The following RNF216 variants were observed in gnomAD, a reference collection of about 807,000 sequenced individuals.
RNF216 encodes the protein E3 ubiquitin-protein ligase RNF216.
In RNF216, 72 loss-of-function variants were observed where a neutral mutation model predicts 110.8. The ratio of observed to expected loss-of-function variants is 0.65; its 90% confidence interval spans 0.54 to 0.79. RNF216 has a LOEUF of 0.79. RNF216 is among the 30% of genes least tolerant of loss of function. RNF216 has a pLI of 0.00. For synonymous variants in RNF216, 495 were observed against 407.5 expected (o/e 1.21, Z -2.59); for missense variants, 1,342 against 1,141.2 (o/e 1.18, Z -2.54).
intron 15 of RNF216, among the ~76,000 whole-genome samples, chr7:5,636,923 G>A (rs768550427): frequency 1.3e-5 from 2 of 152,164 alleles, no homozygotes; most frequent in African/African-American, 4.8e-5. Flanking sequence ...CCAGGCATGG[G>A]AAGCAACGGG....
At chr7:5,687,158 G>T (rs1163399396) in intron 13 of RNF216, among the ~76,000 whole-genome samples, 1 of 152,196 alleles carries the variant, frequency 6.6e-6, no homozygotes, top group Non-Finnish European at 1.5e-5. Flanking sequence ...CACTCTGGGA[G>T]GTTGAGGTGG....
chr7:5,752,937 G>A lies in RNF216; in HGVS notation c.110C>T (p.Ser37Phe). ...CATTGGAATCCTTTCCTCATCTGAG[G>A]AGTCAGATATGGTGATGGGCCCATC... ...LRDGPITISD[S>F]SDEERIPMLV... is the part of the protein sequence containing the mutation. Residue 37 changes from serine (S) to phenylalanine (F), a missense_variant, in exon 3 of 17, where the codon TCC becomes TTC. Physicochemically the swap from Ser to Phe is radical, Grantham distance 155. Coordinates refer to ENST00000389902, the MANE Select transcript of RNF216 (RefSeq NM_207111.4). 2 of 1,611,584 alleles carry A rather than the reference G, an allele frequency of 1.2e-6. No individual in the cohort carries two copies. Among genetic ancestry groups the A allele is most frequent in the Non-Finnish European group, 8.5e-7 (1 of 1,178,842 alleles).
In RNF216 at chr7:5,622,741, G is replaced by C. The variant is rs1286654690; in HGVS notation, c.*119C>G. ...TAGGAAAGGGGTGGGAAGAAAACCA[G>C]CCTACCCTTCAAGCTGACTTAGGAT... On this transcript the variant is annotated 3_prime_UTR_variant, in exon 17 of 17. Transcript: ENST00000389902. 2.9e-6 allele frequency: 3 copies of C among 1,025,220 alleles called. No homozygotes were observed. In the African/African-American group the frequency reaches 4.8e-5, roughly 16 times the overall value. 63.5% of individuals were successfully genotyped at this position (1,025,220 alleles called of 1,614,324 possible). A position where few individuals can be genotyped will look rare whatever the true frequency, so the allele number is the denominator to read the frequency against.
chr7:5,628,068 CAG>C (rs557410663), intron 15 of RNF216, among the ~76,000 whole-genome samples: 2 of 152,278 alleles, frequency 1.3e-5, no homozygotes, highest in South Asian at 4.1e-4. Flanking sequence ...GCCTGCCATT[CAG>C]AGTTCTTCCT....
intron 13 of RNF216, among the ~76,000 whole-genome samples, chr7:5,699,750 G>A (rs1395927593): frequency 6.6e-6 from 1 of 152,238 alleles, no homozygotes; most frequent in Non-Finnish European, 1.5e-5. Flanking sequence ...CTGGGGCTGG[G>A]TGGTTGATTC....
In RNF216 at chr7:5,763,179, G is replaced by A. The variant is rs925957424; in HGVS notation, c.-69-2041C>T. On this transcript the variant is annotated intron_variant, in intron 1 of 16. Transcript: ENST00000389902. Reference sequence around the variant, plus strand: ...AAGGTGGGTACCAATGAGGGAGTGGGTAGATTAACTGTTAAGTGACATGAG... The same window carrying A: ...AAGGTGGGTACCAATGAGGGAGTGGATAGATTAACTGTTAAGTGACATGAG... Among the ~76,000 whole-genome samples the A allele has an allele frequency of 3.3e-5, 5 of 152,188 alleles. No individual in the cohort carries two copies. The East Asian group carries it at 5.8e-4, about 18-fold the overall frequency.
At chr7:5,722,453 G>A (rs1331085197) in intron 8 of RNF216, among the ~76,000 whole-genome samples, 24 of 150,230 alleles carry the variant, frequency 1.6e-4, no homozygotes, top group Admixed American at 8.6e-4. Context: ...GCAGTGGTGC[G>A]ATCTCGGCTC....
At chr7:5,748,603 TATATACATACAC>T (rs1164384775) in intron 3 of RNF216, among the ~76,000 whole-genome samples, 1 of 113,810 alleles carries the variant, frequency 8.8e-6, no homozygotes, top group Non-Finnish European at 1.8e-5. Context: ...GTATATTTTT[TATATACATACAC>T]ACACACACAC....
intron 1 of RNF216, among the ~76,000 whole-genome samples, chr7:5,778,179 T>G (rs907058747): frequency 6.6e-6 from 1 of 152,226 alleles, no homozygotes; most frequent in Non-Finnish European, 1.5e-5. Flanking sequence ...CTTGCTGACA[T>G]AGCGGGCCTT....
intron 13 of RNF216, among the ~76,000 whole-genome samples, chr7:5,694,527 C>T (rs1791510522): frequency 6.6e-6 from 1 of 152,246 alleles, no homozygotes. Flanking sequence ...TCAGTTCCAA[C>T]ATCTGCTATG....
chr7:5,760,582 C>T (rs1795882575), intron 2 of RNF216: 1 of 282,550 alleles, frequency 3.5e-6, no homozygotes, highest in South Asian at 3.2e-5. Flanking sequence ...AAATTCCCCT[C>T]AAGGCTAAGC....
intron 13 of RNF216, among the ~76,000 whole-genome samples, chr7:5,653,600 CAA>C (rs34530431): frequency 7.5e-3 from 379 of 50,402 alleles, no homozygotes; most frequent in African/African-American, 0.029. Context: ...GACTCTGTCT[CAA>C]AAAAAAAAAA....
chr7:5,649,870 G>A (rs766039655), intron 14 of RNF216: 3 of 152,302 alleles, frequency 2.0e-5, no homozygotes, highest in East Asian at 1.9e-4. Flanking sequence ...GGTATGCTGC[G>A]AATGATTTGG....
At chr7:5,772,758 A>C (rs1305625681) in intron 1 of RNF216, among the ~76,000 whole-genome samples, 4 of 151,780 alleles carry the variant, frequency 2.6e-5, no homozygotes. Flanking sequence ...AGCATTGATA[A>C]CTGAAAAAAG....
rs1446207978 is a variant in RNF216, at chr7:5,622,123, T to C, written c.*737A>G. On this transcript the variant is annotated 3_prime_UTR_variant, in exon 17 of 17. Transcript: ENST00000389902. Reference sequence around the variant, plus strand: ...CTGTCCCAGCTGCCTTAAGAGGCTCTTTCAATGGGCCAGCTTCAGAACCAT... The same window carrying C: ...CTGTCCCAGCTGCCTTAAGAGGCTCCTTCAATGGGCCAGCTTCAGAACCAT... 6.6e-6 allele frequency: 1 copy of C among 152,272 alleles called. No homozygotes were observed. Among genetic ancestry groups the C allele is most frequent in the Admixed American group, 6.5e-5 (1 of 15,284 alleles). The allele number at this position is 152,272 out of a possible 1,614,324, so 9.4% of individuals were successfully genotyped here.
chr7:5,704,305 T>C (rs1792149612), intron 13 of RNF216, among the ~76,000 whole-genome samples: 2 of 152,210 alleles, frequency 1.3e-5, no homozygotes, highest in Non-Finnish European at 2.9e-5. Flanking sequence ...TTTATATTAC[T>C]GGCAAAGACA....
At chr7:5,727,563 C>T (rs1343346780) in intron 7 of RNF216, among the ~76,000 whole-genome samples, 1 of 151,698 alleles carries the variant, frequency 6.6e-6, no homozygotes, top group African/African-American at 2.4e-5. Context: ...CCCATTTCTA[C>T]AAAAAATGAA....
At chr7:5,666,866 G>A (rs566528399) in intron 13 of RNF216, among the ~76,000 whole-genome samples, 2 of 151,278 alleles carry the variant, frequency 1.3e-5, no homozygotes, top group African/African-American at 4.9e-5. Flanking sequence ...CCAGGCTGGG[G>A]TGCAGTCAGT....
At chr7:5,674,978 C>G (rs567715453) in intron 13 of RNF216, among the ~76,000 whole-genome samples, 1 of 152,112 alleles carries the variant, frequency 6.6e-6, no homozygotes, top group East Asian at 1.9e-4. Flanking sequence ...GCCTGGGCGA[C>G]AGAGAGAGAC....
Sources: gnomAD v4.1 joint callset for allele counts (sites outside exome capture counted in the v4.1 genomes callset) on GRCh38, gnomAD v4.1.1 for gene constraint, MANE v1.5 for transcripts, NCBI Gene and HGNC (gene_info 2026-07-23, HGNC 2026-07-21) for gene names.